SSBP4: variants seen among roughly 807,000 people sequenced by gnomAD.
The protein encoded by SSBP4 is single stranded DNA binding protein 4.
SSBP4 carries 33 observed loss-of-function variants against 64.6 expected under a neutral mutation model. The observed-to-expected ratio is 0.51, with a 90% CI of 0.39 to 0.68. SSBP4 has a LOEUF of 0.68. Among genes scored for constraint, SSBP4 ranks in the 30% least tolerant of loss-of-function variants. SSBP4 has a pLI of 0.00. For missense variants in SSBP4, 583 were observed against 566.8 expected, an observed-to-expected ratio of 1.03 and a Z score of -0.29; for synonymous variants, 243 against 224.0, an observed-to-expected ratio of 1.08 and a Z score of -0.76.
At chr19:18,425,509 A>G (rs1181161114) in intron 1 of SSBP4, among the ~76,000 whole-genome samples, 1 of 152,160 alleles carries the variant, frequency 6.6e-6, no homozygotes, top group Non-Finnish European at 1.5e-5. Flanking sequence ...TGATGGACGC[A>G]GGCCTGTCAG....
Position 18,432,959 on chromosome 19 carries a change from C to T in SSBP4, c.842-14C>T. 1 of 1,614,146 alleles carries T rather than the reference C, an allele frequency of 6.2e-7. No homozygotes were observed. The highest frequency in any genetic ancestry group is 8.5e-7 in the Non-Finnish European group (1 of 1,180,020). On this transcript the variant is annotated splice_polypyrimidine_tract_variant and intron_variant, in intron 13 of 17. Coordinates refer to ENST00000270061, the MANE Select transcript of SSBP4 (RefSeq NM_032627.5). ...AAACCCCGTCACACCTGGCACCCTT[C>T]TGGTCTCCCCCAGATTCCACCAACT...
the SSBP4 span, among the ~76,000 whole-genome samples, chr19:18,408,954 G>T: frequency 3.1e-3 from 475 of 151,972 alleles, 2 homozygotes; most frequent in Non-Finnish European, 5.2e-3. Context: ...TGGGGACCAT[G>T]GGTGTGGGCC....
chr19:18,412,058 G>A, the SSBP4 span, among the ~76,000 whole-genome samples: 32 of 152,274 alleles, frequency 2.1e-4, no homozygotes, highest in African/African-American at 7.7e-4. Flanking sequence ...CCAGCTACTC[G>A]GGAAGCTGAG....
At chr19:18,424,797 C>G (rs28534973) in intron 1 of SSBP4, among the ~76,000 whole-genome samples, 1 of 149,758 alleles carries the variant, frequency 6.7e-6, no homozygotes, top group Admixed American at 6.7e-5. Context: ...CACGCCTGTG[C>G]GCACGCCACC....
chr19:18,422,946 C>T (rs1382235977), intron 1 of SSBP4, among the ~76,000 whole-genome samples: 1 of 152,240 alleles, frequency 6.6e-6, no homozygotes, highest in Non-Finnish European at 1.5e-5. Context: ...CTTCTGGCTG[C>T]CCTTGGAGCC....
the SSBP4 span, among the ~76,000 whole-genome samples, chr19:18,407,270 T>G: frequency 6.6e-6 from 1 of 151,948 alleles, no homozygotes; most frequent in East Asian, 1.9e-4. Context: ...ACTCCTGACC[T>G]CAGGTGATCC....
chr19:18,432,532 G>A (rs763863717), intron 10 of SSBP4, 27 bp from the exon 11 acceptor site: 1 of 1,554,070 alleles, frequency 6.4e-7, no homozygotes, highest in Admixed American at 1.9e-5. Context: ...ACTAGCCCCA[G>A]AGTCTGTCAT....
At chr19:18,431,293 T>G in intron 5 of SSBP4, 60 bp from the exon 6 acceptor site, 2 of 253,668 alleles carry the variant, frequency 7.9e-6, no homozygotes, top group Non-Finnish European at 7.2e-6. Flanking sequence ...GCCCCTCCCC[T>G]CCTCAGCCAA....
Position 18,432,217 on chromosome 19 carries a change from A to G in SSBP4, c.704+3A>G. On this transcript the variant is annotated splice_donor_region_variant and intron_variant, in intron 10 of 17. Coordinates refer to ENST00000270061, the MANE Select transcript of SSBP4 (RefSeq NM_032627.5). The stretch of plus-strand genomic sequence containing the variant: ...CCAGGCCTGCCTGCCATGAACATGT[A>G]AGACCCTGGGGGATCCTAGGAGTGT... 2 of 1,612,984 alleles carry G rather than the reference A, an allele frequency of 1.2e-6. No homozygotes were observed. Among genetic ancestry groups the G allele is most frequent in the South Asian group, 2.2e-5 (2 of 91,084 alleles).
rs74976577 is a variant in SSBP4, at chr19:18,432,621, G to T, written c.750+17G>T. ...GGAAACTCGGTGAGCCTATGGCTGG[G>T]TGGGCAGGCTTGGGGTGGGGTGGGA... On this transcript the variant is annotated intron_variant, in intron 11 of 17. Transcript: ENST00000270061. The T allele has an allele frequency of 5.3e-3, 8,263 of 1,558,030 alleles. 571 individuals are homozygous for T. In the East Asian group the frequency reaches 0.15, roughly 29 times the overall value.
At chr19:18,424,734 T>A (rs543839408) in intron 1 of SSBP4, among the ~76,000 whole-genome samples, 20 of 152,020 alleles carry the variant, frequency 1.3e-4, no homozygotes, top group African/African-American at 4.1e-4. Flanking sequence ...TCCTTCGGTG[T>A]TTTTTTAAAC....
Position 18,434,503 on chromosome 19 carries a change from C to A in SSBP4, c.*257C>A. On this transcript the variant is annotated 3_prime_UTR_variant, in exon 18 of 18. Coordinates refer to ENST00000270061, the MANE Select transcript of SSBP4 (RefSeq NM_032627.5). ...GAAAGGCTCTTTGGGGGGCCCCTCT[C>A]CCCAGGACGTCAGGGGGTGGGGCCC... 1.5e-6 allele frequency: 1 copy of A among 672,270 alleles called. No individual in the cohort carries two copies. The highest frequency in any genetic ancestry group is 3.1e-5 in the East Asian group (1 of 32,746). 41.6% of individuals were successfully genotyped at this position (672,270 alleles called of 1,614,324 possible). A position where few individuals can be genotyped will look rare whatever the true frequency, so the allele number is the denominator to read the frequency against.
chr19:18,434,266 C>T lies in SSBP4; in HGVS notation c.*20C>T, dbSNP rs1973825127. On this transcript the variant is annotated 3_prime_UTR_variant, in exon 18 of 18. Transcript: ENST00000270061. The stretch of plus-strand genomic sequence containing the variant: ...GTGTGATGGGGCGGCAGCCCCGGGC[C>T]TCTCTGCGGGCCTAGGCTTCTGCCC... The T allele has an allele frequency of 1.9e-6, 3 of 1,610,452 alleles. No individual in the cohort carries two copies. The highest frequency in any genetic ancestry group is 1.1e-5 in the South Asian group (1 of 90,818).
chr19:18,409,217 C>T, the SSBP4 span, among the ~76,000 whole-genome samples: 25 of 148,552 alleles, frequency 1.7e-4, no homozygotes, highest in African/African-American at 4.2e-4. Flanking sequence ...GACAGAGTCT[C>T]GCTCTGTCAT....
Position 18,433,665 on chromosome 19 carries a change from AGGGGGCGGGGC to A in SSBP4, c.1021-40_1021-30del, listed in dbSNP as rs1568359200. 11 of 532,288 alleles carry A rather than the reference AGGGGGCGGGGC, an allele frequency of 2.1e-5. 1 individual carries two copies. The South Asian group carries it at 3.5e-4, about 17-fold the overall frequency. 33.0% of individuals were successfully genotyped at this position (532,288 alleles called of 1,614,324 possible). A position where few individuals can be genotyped will look rare whatever the true frequency, so the allele number is the denominator to read the frequency against. ...GTGGGATCCGGGGGGGGTGGCGGGG[AGGGGGCGGGGC>A]GGGGAGTTGCGAGCCGACGGCGGCC... On this transcript the variant is annotated intron_variant, in intron 16 of 17. Transcript: ENST00000270061.
Position 18,434,309 on chromosome 19 carries a change from C to T in SSBP4, c.*63C>T, listed in dbSNP as rs753896352. 8 of 1,595,740 alleles carry T rather than the reference C, an allele frequency of 5.0e-6. No individual in the cohort carries two copies. Among genetic ancestry groups the T allele is most frequent in the Non-Finnish European group, 6.0e-6 (7 of 1,172,152 alleles). The stretch of plus-strand genomic sequence containing the variant: ...TTCTGCCCAGCGCCCCTGCTCAGGG[C>T]GAGGGGCTGAGGTCACACCTCGGGC... On this transcript the variant is annotated 3_prime_UTR_variant, in exon 18 of 18. Coordinates refer to ENST00000270061, the MANE Select transcript of SSBP4 (RefSeq NM_032627.5).
intron 17 of SSBP4, 122 bp from the exon 18 acceptor site, chr19:18,434,095 C>T (rs890815965): frequency 2.9e-5 from 40 of 1,397,592 alleles, no homozygotes; most frequent in Non-Finnish European, 3.5e-5. Context: ...TCCCTCCTGT[C>T]CCCACCCCAT....
At chr19:18,405,429 G>C in the SSBP4 span, among the ~76,000 whole-genome samples, 1 of 150,970 alleles carries the variant, frequency 6.6e-6, no homozygotes, top group Admixed American at 6.6e-5. Context: ...GGGAGGCCGA[G>C]TTGGGAGGAT....
In SSBP4 at chr19:18,433,179, C is replaced by T. The variant is rs1973604714; in HGVS notation, c.957C>T (p.Ser319=). The change falls in exon 15 of 18, where the codon AGC becomes AGT. Residue 319 remains serine, a synonymous_variant. Coordinates refer to ENST00000270061, the MANE Select transcript of SSBP4 (RefSeq NM_032627.5). ...PGPEGPMAAM[S]AMEPHHVNGS... ...CGGAGGGCCCCATGGCCGCCATGAG[C>T]GCGATGGAGCCTCACCACGTGAACG... is the stretch of plus-strand genomic sequence containing the variant. 5 of 1,587,806 alleles carry T rather than the reference C, an allele frequency of 3.1e-6. No homozygotes were observed. The highest frequency in any genetic ancestry group is 4.3e-6 in the Non-Finnish European group (5 of 1,167,810).
Sources: gnomAD v4.1 joint callset for allele counts (sites outside exome capture counted in the v4.1 genomes callset) on GRCh38, gnomAD v4.1.1 for gene constraint, MANE v1.5 for transcripts, NCBI Gene and HGNC (gene_info 2026-07-23, HGNC 2026-07-21) for gene names.